SOAT1: variants seen among roughly 807,000 people sequenced by gnomAD.
SOAT1 encodes acyl-coenzyme A:cholesterol acyltransferase 1.
In SOAT1, 55 loss-of-function variants were observed where a neutral mutation model predicts 69.5. That is an observed-to-expected ratio of 0.79 (90% CI 0.64 to 0.99). SOAT1 has a LOEUF of 0.99. Ranked by LOEUF, SOAT1 falls within the 50% of genes least tolerant of loss-of-function variation. SOAT1 has a pLI of 0.00. For missense variants in SOAT1, 580 were observed against 669.3 expected (o/e 0.87, Z 1.47); for synonymous variants, 231 against 224.7 (o/e 1.03, Z -0.25).
At position 179,345,589 on chromosome 1, in the gene SOAT1, GTCTC is replaced by G. The variant is rs147995807; in HGVS notation, c.1117+517_1117+520del. The stretch of plus-strand genomic sequence containing the variant: ...TTGCCTTTTTTTTTTTTGAAATCGG[GTCTC>G]TCTTTGTCACCCAGTCTGAATGCAG... On this transcript the variant is annotated intron_variant, in intron 11 of 15. Transcript: ENST00000367619. Among the ~76,000 whole-genome samples, 1,300 of 151,518 alleles carry G rather than the reference GTCTC, an allele frequency of 8.6e-3. 39 individuals carry two copies. The highest frequency in any genetic ancestry group is 0.054 in the Admixed American group (817 of 15,178).
intron 2 of SOAT1, among the ~76,000 whole-genome samples, chr1:179,314,300 G>T (rs1380213318): frequency 6.6e-6 from 1 of 152,114 alleles, no homozygotes. Context: ...TAATGCATGA[G>T]TATATAAATT....
intron 1 of SOAT1, among the ~76,000 whole-genome samples, chr1:179,296,932 G>T (rs979809359): frequency 5.3e-5 from 8 of 152,030 alleles, no homozygotes; most frequent in Admixed American, 1.3e-4. Context: ...TTATGTAATT[G>T]CGTGCACAGA....
intron 2 of SOAT1, among the ~76,000 whole-genome samples, chr1:179,311,057 G>T (rs1306411006): frequency 2.6e-5 from 4 of 152,040 alleles, no homozygotes; most frequent in African/African-American, 7.2e-5. Context: ...TTGAATCTCA[G>T]TTTCTTTATT....
At chr1:179,304,509 C>A (rs1402289551) in intron 2 of SOAT1, among the ~76,000 whole-genome samples, 2 of 150,654 alleles carry the variant, frequency 1.3e-5, no homozygotes, top group Non-Finnish European at 1.5e-5. Context: ...AACTTTTGAC[C>A]TCAGGTAATC....
At position 179,335,592 on chromosome 1, in the gene SOAT1, T is replaced by C; in HGVS notation, c.264T>C (p.Asp88=). ...TNLIEKSASL[D]NGGCALTTFS... ...TCATTGAAAAGTCAGCATCATTAGA[T>C]AATGGTGGGTGCGCTCTCACAACCT... is the stretch of plus-strand genomic sequence containing the variant. Residue 88 remains aspartate, a synonymous_variant, in exon 4 of 16, where the codon GAT becomes GAC. Coordinates refer to ENST00000367619, the MANE Select transcript of SOAT1 (RefSeq NM_003101.6). 1 of 1,614,052 alleles carries C rather than the reference T, an allele frequency of 6.2e-7. No individual in the cohort carries two copies. Among genetic ancestry groups the C allele is most frequent in the African/African-American group, 1.3e-5 (1 of 75,060 alleles).
chr1:179,334,561 G>A (rs1666080028), intron 3 of SOAT1, among the ~76,000 whole-genome samples: 1 of 151,964 alleles, frequency 6.6e-6, no homozygotes, highest in African/African-American at 2.4e-5. Flanking sequence ...TTGTTATTTT[G>A]TCTCGCATAT....
intron 3 of SOAT1, among the ~76,000 whole-genome samples, chr1:179,333,475 G>A (rs546582202): frequency 1.3e-5 from 2 of 152,186 alleles, no homozygotes; most frequent in East Asian, 3.9e-4. Context: ...GCTGAGGTGG[G>A]CGGATCACTT....
At position 179,343,662 on chromosome 1, in the gene SOAT1, T is replaced by A. The variant is rs776406890; in HGVS notation, c.987+27T>A. 1.6e-5 allele frequency: 24 copies of A among 1,538,768 alleles called. No homozygotes were observed. The Admixed American group carries it at 4.1e-4, about 26-fold the overall frequency. ...TAAGTTTTTGTAACTGCCTAAGGTA[T>A]GTTGATTAGGGGATGGGGATTCATA... is the stretch of plus-strand genomic sequence containing the variant. On this transcript the variant is annotated intron_variant, in intron 10 of 15. Coordinates refer to ENST00000367619, the MANE Select transcript of SOAT1 (RefSeq NM_003101.6).
intron 1 of SOAT1, among the ~76,000 whole-genome samples, chr1:179,294,941 C>CT (rs5779018): frequency 2.9e-4 from 43 of 148,226 alleles, no homozygotes; most frequent in Admixed American, 8.8e-4. Context: ...CAATTTGAAG[C>CT]TTTTTTTTTT....
Position 179,337,896 on chromosome 1 carries a change from A to G in SOAT1, c.389A>G (p.Asp130Gly). ...TTTATTGCAAGGCGCTCTCTCTTAG[A>G]GTGAGTATTTTTAGTTGTTTTTAAA... ...KIFIARRSLL[D>G]ELLEVDHIRT... The change falls in exon 5 of 16, where the codon GAT becomes GGT. Residue 130 changes from aspartate (D) to glycine (G), a missense_variant and splice_region_variant. Coordinates refer to ENST00000367619, the MANE Select transcript of SOAT1 (RefSeq NM_003101.6). 1.3e-6 allele frequency: 2 copies of G among 1,596,502 alleles called. No homozygotes were observed. The highest frequency in any genetic ancestry group is 1.8e-4 in the Middle Eastern group (1 of 5,490).
chr1:179,305,524 A>G (rs1000510911), intron 2 of SOAT1, among the ~76,000 whole-genome samples: 6 of 151,980 alleles, frequency 3.9e-5, no homozygotes, highest in Non-Finnish European at 7.4e-5. Flanking sequence ...ATTGGCTATT[A>G]TGAATGATGC....
chr1:179,305,067 C>G (rs1664957249), intron 2 of SOAT1, among the ~76,000 whole-genome samples: 1 of 151,646 alleles, frequency 6.6e-6, no homozygotes, highest in African/African-American at 2.4e-5. Context: ...TGTTTAATTT[C>G]AAAACATTTT....
rs1392464070 is a variant in SOAT1, at chr1:179,341,079, C to T, written c.549C>T (p.Thr183=). ...CTTATGCTTTTGGCAAATTTCCTAC[C>T]GTTGTTTGGACCTGGTGGATCATGT... is the stretch of plus-strand genomic sequence containing the variant. ...LLSYAFGKFP[T]VVWTWWIMFL... Residue 183 remains threonine (T), a synonymous_variant, in exon 7 of 16, where the codon ACC becomes ACT. Transcript: ENST00000367619. 12 of 1,613,884 alleles carry T rather than the reference C, an allele frequency of 7.4e-6. No individual in the cohort carries two copies. The highest frequency in any genetic ancestry group is 4.0e-5 in the African/African-American group (3 of 74,862).
intron 2 of SOAT1, 113 bp from the exon 3 acceptor site, chr1:179,323,324 C>T: frequency 7.7e-6 from 6 of 774,868 alleles, no homozygotes; most frequent in South Asian, 3.9e-5. Flanking sequence ...ATGGTTGCAC[C>T]ACAGTTTACG....
chr1:179,310,272 T>TG (rs386368850), intron 2 of SOAT1, among the ~76,000 whole-genome samples: 1 of 151,594 alleles, frequency 6.6e-6, no homozygotes, highest in African/African-American at 2.4e-5. Context: ...TGACTTTTTT[T>TG]TTTTTTTACT....
At chr1:179,328,915 C>T (rs925795025) in intron 3 of SOAT1, among the ~76,000 whole-genome samples, 6 of 151,552 alleles carry the variant, frequency 4.0e-5, no homozygotes, top group East Asian at 3.9e-4. Context: ...CATGATTGTG[C>T]GTGCCCGAGT....
intron 2 of SOAT1, among the ~76,000 whole-genome samples, chr1:179,316,684 C>T (rs1237911373): frequency 1.3e-5 from 2 of 152,186 alleles, no homozygotes; most frequent in Admixed American, 6.5e-5. Context: ...TGAGCCACCA[C>T]GCCTGGCACT....
chr1:179,350,462 G>A (rs760299151), intron 14 of SOAT1, 31 bp downstream of exon 14: 1 of 1,583,700 alleles, frequency 6.3e-7, no homozygotes, highest in Admixed American at 2.0e-5. Flanking sequence ...TGAGTACTGG[G>A]TACTATGCTA....
rs1666683175 is a variant in SOAT1, at chr1:179,350,393, T to C, written c.1412T>C (p.Phe471Ser). The change falls in exon 14 of 16, where the codon TTC (phenylalanine) becomes TCC (serine). Residue 471 changes from phenylalanine to serine, a missense_variant. Phe to Ser is a radical substitution (Grantham distance 155). Transcript: ENST00000367619. ...GCCTTGGCTGTTTGCTTGAGCTTTT[T>C]CTATCCCGTGCTCTTCGTGCTCTTC... is the stretch of plus-strand genomic sequence containing the variant. ...EYALAVCLSF[F>S]YPVLFVLFMF... 1.2e-6 allele frequency: 2 copies of C among 1,614,004 alleles called. No homozygotes were observed. The highest frequency in any genetic ancestry group is 8.5e-7 in the Non-Finnish European group (1 of 1,180,012).
Sources: gnomAD v4.1 joint callset for allele counts (sites outside exome capture counted in the v4.1 genomes callset) on GRCh38, gnomAD v4.1.1 for gene constraint, MANE v1.5 for transcripts, NCBI Gene and HGNC (gene_info 2026-07-23, HGNC 2026-07-21) for gene names.